Variants in JMJD1C observed in about 807,000 individuals in gnomAD.
The protein encoded by JMJD1C is jumonji domain-containing protein 1C.
In JMJD1C, 31 loss-of-function variants were observed where a neutral mutation model predicts 245.3. That is an observed-to-expected ratio of 0.13 (90% CI 0.09 to 0.17). The LOEUF (loss-of-function observed/expected upper bound fraction) is 0.17. Ranked by LOEUF, JMJD1C falls within the 10% of genes least tolerant of loss-of-function variation. The pLI, the probability that JMJD1C is intolerant of heterozygous loss-of-function variation, is 1.00. For synonymous variants in JMJD1C, 1,057 were observed against 1,017.4 expected, an observed-to-expected ratio of 1.04 and a Z score of -0.74; for missense variants, 2,691 against 3,000.2, an observed-to-expected ratio of 0.90 and a Z score of 2.41.
chr10:63,322,878 A>C (rs1008681158), intron 2 of JMJD1C, among the ~76,000 whole-genome samples: 1 of 150,268 alleles, frequency 6.7e-6, no homozygotes, highest in African/African-American at 2.5e-5. Flanking sequence ...AACAGAATCT[A>C]TATCAAATGT....
chr10:63,211,626 T>C (rs187027260), intron 8 of JMJD1C, among the ~76,000 whole-genome samples: 2 of 151,670 alleles, frequency 1.3e-5, no homozygotes, highest in Admixed American at 1.3e-4. Context: ...GTAAAAAATA[T>C]TATCCCTGAG....
intron 1 of JMJD1C, among the ~76,000 whole-genome samples, chr10:63,479,269 CTCTT>C (rs1953756397): frequency 6.8e-6 from 1 of 146,488 alleles, no homozygotes; most frequent in Non-Finnish European, 1.5e-5. Context: ...CTTATTTCTT[CTCTT>C]TTTTTTTTTT....
intron 9 of JMJD1C, 38 bp downstream of exon 9, chr10:63,209,025 A>G (rs375039833): frequency 6.6e-7 from 1 of 1,511,476 alleles, no homozygotes; most frequent in Non-Finnish European, 9.0e-7. Flanking sequence ...AAAATTATGA[A>G]CAAGGTATTT....
intron 2 of JMJD1C, among the ~76,000 whole-genome samples, chr10:63,276,884 C>CTTTTTTTTT (rs760452367): frequency 0.045 from 4,373 of 96,190 alleles, 679 homozygotes; most frequent in African/African-American, 0.099. Context: ...AAGCTTGGGG[C>CTTTTTTTTT]TTTTTTTTTT....
rs568600125 is a variant in JMJD1C at position 63,358,280 on chromosome 10, T to C, written c.333+22038A>G. Among the ~76,000 whole-genome samples the C allele has an allele frequency of 4.9e-4, 74 of 152,236 alleles. No homozygotes were observed. In the Middle Eastern group the frequency reaches 0.017, roughly 35 times the overall value. ...GAAATAGGCAAAACCAGAAAAGTTC[T>C]ACAACATCATAGAAATCCTGAGAAA... On this transcript the variant is annotated intron_variant, in intron 2 of 25. Coordinates refer to ENST00000399262, the MANE Select transcript of JMJD1C (RefSeq NM_032776.3).
intron 21 of JMJD1C, 87 bp from the exon 22 acceptor site, chr10:63,183,656 G>A: frequency 1.4e-6 from 1 of 724,984 alleles, no homozygotes; most frequent in Admixed American, 3.1e-5. Context: ...AGCTCGATCT[G>A]CATAATTTAA....
intron 1 of JMJD1C, among the ~76,000 whole-genome samples, chr10:63,393,936 T>A (rs1948273632): frequency 6.6e-6 from 1 of 152,122 alleles, no homozygotes; most frequent in Non-Finnish European, 1.5e-5. Flanking sequence ...ATCCCAGCAC[T>A]TTCAGAGGCC....
At chr10:63,366,600 G>A (rs765363997) in intron 2 of JMJD1C, among the ~76,000 whole-genome samples, 8 of 152,156 alleles carry the variant, frequency 5.3e-5, no homozygotes, top group Non-Finnish European at 1.0e-4. Context: ...GAAAGAATGA[G>A]GGATGACAAA....
intron 1 of JMJD1C, among the ~76,000 whole-genome samples, chr10:63,452,595 A>G (rs1952138274): frequency 6.6e-6 from 1 of 152,212 alleles, no homozygotes. Flanking sequence ...ACCCCAAGGA[A>G]GTAAAAAGCA....
chr10:63,389,444 C>CT lies in JMJD1C; in HGVS notation c.169-8963dup, dbSNP rs374747144. ...GTCATCTAGACAGAATTTTGTTTTT[C>CT]TTTTTTTTTTCCTTTTTTTTTTTTC... On this transcript the variant is annotated intron_variant, in intron 1 of 25. Transcript: ENST00000399262. 6.8e-4 allele frequency among the ~76,000 whole-genome samples: 95 copies of CT among 139,920 alleles called. 1 individual carries two copies. The highest frequency in any genetic ancestry group is 1.6e-3 in the African/African-American group (60 of 38,508). 91.8% of individuals were successfully genotyped at this position (139,920 alleles called of 152,430 possible).
chr10:63,466,945 GCTT>G (rs1953316175), upstream of JMJD1C, among the ~76,000 whole-genome samples: 1 of 151,870 alleles, frequency 6.6e-6, no homozygotes, highest in Non-Finnish European at 1.5e-5. Context: ...CCTTTATACT[GCTT>G]TTTTATAGGT....
intron 2 of JMJD1C, among the ~76,000 whole-genome samples, chr10:63,347,243 A>G (rs567018477): frequency 9.9e-5 from 15 of 151,812 alleles, no homozygotes; most frequent in African/African-American, 3.4e-4. Flanking sequence ...TAATTTTTGT[A>G]TTTTTGTCAA....
At chr10:63,257,129 G>A (rs112574249) in intron 3 of JMJD1C, among the ~76,000 whole-genome samples, 273 of 150,650 alleles carry the variant, frequency 1.8e-3, no homozygotes, top group African/African-American at 6.5e-3. Flanking sequence ...CCCAGCTACT[G>A]AGGAGGCTGA....
Position 63,207,687 on chromosome 10 carries a change from G to C in JMJD1C, c.3982C>G (p.Arg1328Gly), listed in dbSNP as rs1336237703. The stretch of plus-strand genomic sequence containing the variant: ...CCAGCTGAAGATCTTTCACTAACAC[G>C]ATCTTTAGAAGCTAACTGCATTGCT... Reference protein sequence around the residue: ...MPAMQLASKDRVSERSSAGAH... With the variant: ...MPAMQLASKDGVSERSSAGAH... The change falls in exon 10 of 26, where the codon CGT (arginine) becomes GGT (glycine). Residue 1328 changes from arginine to glycine, a missense_variant. Arg to Gly is a moderately radical substitution (Grantham distance 125). Transcript: ENST00000399262. 3.7e-6 allele frequency: 6 copies of C among 1,614,058 alleles called. No homozygotes were observed. Among genetic ancestry groups the C allele is most frequent in the African/African-American group, 2.7e-5 (2 of 75,010 alleles).
chr10:63,418,238 A>G (rs752187845), intron 1 of JMJD1C, among the ~76,000 whole-genome samples: 1 of 152,204 alleles, frequency 6.6e-6, no homozygotes, highest in African/African-American at 2.4e-5. Context: ...CATTTCAAAC[A>G]AAATCCCAAG....
intron 3 of JMJD1C, chr10:63,222,897 G>A (rs1026696889): frequency 6.7e-7 from 1 of 1,495,748 alleles, no homozygotes; most frequent in Non-Finnish European, 9.3e-7. Flanking sequence ...AAAAAGAAGT[G>A]GGAAAGTGGG....
intron 2 of JMJD1C, among the ~76,000 whole-genome samples, chr10:63,340,210 C>T (rs1943242215): frequency 6.6e-6 from 1 of 152,146 alleles, no homozygotes; most frequent in African/African-American, 2.4e-5. Flanking sequence ...GGCATACAAA[C>T]ACACAGTTTA....
At chr10:63,495,280 A>C (rs918179326) in intron 1 of JMJD1C, among the ~76,000 whole-genome samples, 14 of 152,142 alleles carry the variant, frequency 9.2e-5, no homozygotes, top group Non-Finnish European at 1.9e-4. Flanking sequence ...CTCAAAAAAA[A>C]AAGGAAGCTA....
chr10:63,503,524 G>T (rs1339465831), intron 1 of JMJD1C, among the ~76,000 whole-genome samples: 5 of 152,122 alleles, frequency 3.3e-5, no homozygotes, highest in Admixed American at 3.3e-4. Context: ...TTCTGCTAAA[G>T]GTTTCTATAC....
Sources: allele counts gnomAD v4.1 joint callset (sites outside exome capture counted in the v4.1 genomes callset), GRCh38; gene constraint gnomAD v4.1.1; transcripts MANE v1.5; gene names NCBI Gene and HGNC (gene_info 2026-07-23, HGNC 2026-07-21).